BNC2: variants seen among roughly 807,000 people sequenced by gnomAD.
BNC2 encodes the protein basonuclin zinc finger protein 2.
Under a neutral mutation model 76.3 loss-of-function variants are expected in BNC2, and 20 were observed. The ratio of observed to expected loss-of-function variants is 0.26; its 90% CI spans 0.18 to 0.38. The LOEUF is 0.38. Ranked by LOEUF, BNC2 falls within the 10% of genes least tolerant of loss-of-function variation. BNC2 has a pLI of 1.00. For missense variants in BNC2, 1,382 were observed against 1,399.8 expected (o/e 0.99, Z 0.20); for synonymous variants, 582 against 514.8 (o/e 1.13, Z -1.77).
At position 16,692,543 on chromosome 9, in the gene BNC2, C is replaced by T. The variant is rs138041827; in HGVS notation, c.330+35254G>A. Among the ~76,000 whole-genome samples the T allele has an allele frequency of 1.8e-3, 267 of 152,260 alleles. 2 individuals carry two copies. Among genetic ancestry groups the T allele is most frequent in the Middle Eastern group, 0.017 (5 of 294 alleles). ...AGGATTCAGTAGGTACACAGTATAT[C>T]TGTAAATGGTACTCTGCCCCCAGCC... On this transcript the variant is annotated intron_variant, in intron 3 of 6. Coordinates refer to ENST00000380672, the MANE Select transcript of BNC2 (RefSeq NM_017637.6).
intron 5 of BNC2, among the ~76,000 whole-genome samples, chr9:16,531,274 G>C (rs1347281949): frequency 6.6e-6 from 1 of 152,032 alleles, no homozygotes; most frequent in Admixed American, 6.6e-5. Context: ...GAGTTCAGTG[G>C]TTAGGCTTTT....
At chr9:16,789,256 T>G (rs192179222) in intron 1 of BNC2, among the ~76,000 whole-genome samples, 1 of 152,086 alleles carries the variant, frequency 6.6e-6, no homozygotes, top group Non-Finnish European at 1.5e-5. Context: ...CACTGGGGGA[T>G]TTTAGGGAGT....
chr9:16,718,580 A>G (rs1489094203), intron 3 of BNC2, among the ~76,000 whole-genome samples: 1 of 152,186 alleles, frequency 6.6e-6, no homozygotes, highest in Admixed American at 6.5e-5. Flanking sequence ...ATTTATCTGA[A>G]GTAAGCTGTA....
intron 1 of BNC2, among the ~76,000 whole-genome samples, chr9:16,774,112 G>A (rs939504590): frequency 2.6e-5 from 4 of 151,988 alleles, no homozygotes; most frequent in Non-Finnish European, 5.9e-5. Flanking sequence ...CTCCCAAGTA[G>A]GTGAGATTAC....
intron 5 of BNC2, among the ~76,000 whole-genome samples, chr9:16,481,947 G>T (rs1350493644): frequency 6.6e-6 from 1 of 152,104 alleles, no homozygotes; most frequent in Non-Finnish European, 1.5e-5. Flanking sequence ...CCAACTTCAC[G>T]GGATCATTAT....
intron 3 of BNC2, among the ~76,000 whole-genome samples, chr9:16,646,000 T>C (rs1432107427): frequency 6.6e-6 from 1 of 152,212 alleles, no homozygotes; most frequent in Non-Finnish European, 1.5e-5. Flanking sequence ...TTTCAGGTCA[T>C]TCCACAGGGT....
At chr9:16,814,404 T>A (rs1818131878) in intron 1 of BNC2, among the ~76,000 whole-genome samples, 1 of 152,224 alleles carries the variant, frequency 6.6e-6, no homozygotes, top group Non-Finnish European at 1.5e-5. Context: ...TTGTGATCAG[T>A]ATTTTGCAAC....
intron 5 of BNC2, among the ~76,000 whole-genome samples, chr9:16,521,842 G>C (rs893861993): frequency 6.6e-6 from 1 of 152,174 alleles, no homozygotes; most frequent in Non-Finnish European, 1.5e-5. Context: ...CCATGGGATA[G>C]CTGCAACCGT....
chr9:16,778,380 C>A (rs527336054), intron 1 of BNC2, among the ~76,000 whole-genome samples: 2 of 152,164 alleles, frequency 1.3e-5, no homozygotes, highest in South Asian at 4.1e-4. Flanking sequence ...AACAAAGACA[C>A]AAACTTTGGA....
In BNC2 at chr9:16,412,878, T is replaced by C. The variant is rs1382073491; in HGVS notation, c.*6111A>G. 1 of 152,652 alleles carries C rather than the reference T, an allele frequency of 6.6e-6. No homozygotes were observed. Among genetic ancestry groups the C allele is most frequent in the Non-Finnish European group, 1.5e-5 (1 of 68,042 alleles). The allele number at this position is 152,652 out of a possible 1,614,324, so 9.5% of individuals were successfully genotyped here. ...AAACAGGCAATTACGCATCCTTTTA[T>C]ATTTGATGGCCAAGTGCTGAACTGG... On this transcript the variant is annotated 3_prime_UTR_variant, in exon 7 of 7. Coordinates refer to ENST00000380672, the MANE Select transcript of BNC2 (RefSeq NM_017637.6).
At chr9:16,584,721 T>A (rs1217437939) in intron 3 of BNC2, among the ~76,000 whole-genome samples, 1 of 152,186 alleles carries the variant, frequency 6.6e-6, no homozygotes, top group Non-Finnish European at 1.5e-5. Flanking sequence ...CAATAATTTG[T>A]TAACTGAGAA....
chr9:16,733,251 CT>C (rs1353108185), intron 2 of BNC2, among the ~76,000 whole-genome samples: 1 of 152,144 alleles, frequency 6.6e-6, no homozygotes, highest in Admixed American at 6.5e-5. Context: ...GAAACCTCTT[CT>C]GAAAAGATAA....
chr9:16,579,895 C>T (rs1819584277), intron 4 of BNC2: 1 of 388,122 alleles, frequency 2.6e-6, no homozygotes, highest in African/African-American at 2.1e-5. Context: ...TTTTTAGCAG[C>T]AGATATTAAA....
chr9:16,471,405 T>C (rs1014769999), intron 5 of BNC2, among the ~76,000 whole-genome samples: 2 of 151,920 alleles, frequency 1.3e-5, no homozygotes, highest in East Asian at 3.9e-4. Context: ...GCGATTCTCC[T>C]GACTCAGCCT....
rs577399818 is a variant in BNC2 at position 16,649,260 on chromosome 9, C to T, written c.331-66175G>A. Among the ~76,000 whole-genome samples the T allele has an allele frequency of 4.6e-5, 7 of 152,230 alleles. No individual in the cohort carries two copies. The East Asian group carries it at 1.4e-3, about 29-fold the overall frequency. On this transcript the variant is annotated intron_variant, in intron 3 of 6. Coordinates refer to ENST00000380672, the MANE Select transcript of BNC2 (RefSeq NM_017637.6). Reference sequence around the variant, plus strand: ...AGTGTGTGCTATCCACCTGAACCACCCAGTGTTTTGAGAGGCCAGTGGTCT... The same window carrying T: ...AGTGTGTGCTATCCACCTGAACCACTCAGTGTTTTGAGAGGCCAGTGGTCT...
chr9:16,583,744 A>T (rs1054283394), intron 3 of BNC2, among the ~76,000 whole-genome samples: 1 of 152,218 alleles, frequency 6.6e-6, no homozygotes, highest in Non-Finnish European at 1.5e-5. Context: ...GTGACATAAG[A>T]AAGAAAATAA....
chr9:16,708,144 C>T (rs1342367576), intron 3 of BNC2, among the ~76,000 whole-genome samples: 8 of 152,056 alleles, frequency 5.3e-5, no homozygotes. Flanking sequence ...CAAAAAGGTG[C>T]CCAGAGTTTT....
intron 1 of BNC2, among the ~76,000 whole-genome samples, chr9:16,777,581 G>C (rs772089593): frequency 1.5e-4 from 23 of 151,462 alleles, no homozygotes; most frequent in Non-Finnish European, 2.4e-4. Context: ...GGTGCCTGTA[G>C]TCCCAGCTAC....
At position 16,625,011 on chromosome 9, in the gene BNC2, G is replaced by A. The variant is rs116981171; in HGVS notation, c.331-41926C>T. On this transcript the variant is annotated intron_variant, in intron 3 of 6. Coordinates refer to ENST00000380672, the MANE Select transcript of BNC2 (RefSeq NM_017637.6). ...AGCTGGGAAGCCAATTGGTGCAGTC[G>A]GAGTGCACATTTTAGAAAGCAGCTT... 3.5e-3 allele frequency among the ~76,000 whole-genome samples: 532 copies of A among 152,262 alleles called. 3 individuals carry two copies. Among genetic ancestry groups the A allele is most frequent in the Middle Eastern group, 6.8e-3 (2 of 294 alleles).
Sources: gnomAD v4.1 joint callset for allele counts (sites outside exome capture counted in the v4.1 genomes callset) on GRCh38, gnomAD v4.1.1 for gene constraint, MANE v1.5 for transcripts, NCBI Gene and HGNC (gene_info 2026-07-23, HGNC 2026-07-21) for gene names.